Variants in ADPGK observed in about 807,000 individuals in gnomAD.
The protein encoded by ADPGK is ADP dependent glucokinase, also known as ADP-dependent glucokinase.
A neutral mutation model predicts 42.4 loss-of-function variants in ADPGK; 26 were observed. The ratio of observed to expected loss-of-function variants is 0.61; its 90% CI spans 0.45 to 0.85. The LOEUF is 0.85. Ranked by LOEUF, ADPGK falls within the 40% of genes least tolerant of loss-of-function variation. The pLI, the probability that ADPGK is intolerant of heterozygous loss-of-function variation, is 0.00. For synonymous variants in ADPGK, 267 were observed against 252.6 expected (o/e 1.06, Z -0.54); for missense variants, 571 against 627.0 (o/e 0.91, Z 0.95).
In ADPGK at chr15:72,760,494, G is replaced by A. The variant is rs768006218; in HGVS notation, c.556C>T (p.His186Tyr). Reference protein sequence around the residue: ...LLCGPVGPKLHELLDDNVFVP... With the variant: ...LLCGPVGPKLYELLDDNVFVP... The stretch of plus-strand genomic sequence containing the variant: ...AAGACATTGTCATCAAGAAGCTCAT[G>A]TAGCTTTGGACCAACTGGACCGCAA... Residue 186 changes from histidine (H) to tyrosine (Y), a missense_variant, in exon 4 of 7, where the codon CAT (histidine) becomes TAT (tyrosine). Physicochemically the swap from His to Tyr is moderately conservative, Grantham distance 83. Transcript: ENST00000456471. 4 of 1,609,486 alleles carry A rather than the reference G, an allele frequency of 2.5e-6. No individual in the cohort carries two copies. Among genetic ancestry groups the A allele is most frequent in the Non-Finnish European group, 3.4e-6 (4 of 1,176,422 alleles).
chr15:72,765,589 AC>A (rs2066248435), intron 3 of ADPGK, among the ~76,000 whole-genome samples: 1 of 152,274 alleles, frequency 6.6e-6, no homozygotes, highest in African/African-American at 2.4e-5. Flanking sequence ...GCCATTAAGA[AC>A]ATTTATGATT....
At chr15:72,772,134 GA>G (rs1189346086) in intron 2 of ADPGK, among the ~76,000 whole-genome samples, 1 of 152,204 alleles carries the variant, frequency 6.6e-6, no homozygotes, top group African/African-American at 2.4e-5. Flanking sequence ...CAGGAAACAG[GA>G]AAAGTGTGGA....
chr15:72,765,534 G>A (rs2066248031), intron 3 of ADPGK, among the ~76,000 whole-genome samples: 1 of 152,176 alleles, frequency 6.6e-6, no homozygotes, highest in African/African-American at 2.4e-5. Context: ...ATGGATCTGG[G>A]CAAAGTAAAC....
At position 72,752,565 on chromosome 15, in the gene ADPGK, G is replaced by A. The variant is rs956703795; in HGVS notation, c.1270C>T (p.Arg424Ter). 5.0e-6 allele frequency: 8 copies of A among 1,614,178 alleles called. No individual in the cohort carries two copies. The highest frequency in any genetic ancestry group is 1.3e-5 in the African/African-American group (1 of 75,046). ...ACATETIDTS[R>*]VSLRAPQEFM... ...TCTTGGGGTGCCCTCAGAGACACTC[G>A]GCTGGTGTCTATGGTTTCTGTGGCG... Residue 424 changes from arginine to a stop codon, truncating the protein, a stop_gained, in exon 7 of 7, where the codon CGA (arginine) becomes TGA (stop). Coordinates refer to ENST00000456471, the MANE Select transcript of ADPGK (RefSeq NM_001365225.1). LOFTEE classifies it high-confidence loss of function.
intron 6 of ADPGK, among the ~76,000 whole-genome samples, chr15:72,754,926 T>C (rs756284136): frequency 6.6e-6 from 1 of 152,160 alleles, no homozygotes; most frequent in African/African-American, 2.4e-5. Context: ...AGGGTGCAAG[T>C]AGGGAAGGGG....
rs1474052213 is a variant in ADPGK, at chr15:72,774,735, CCA to C, written c.459+135_459+136del. On this transcript the variant is annotated intron_variant, in intron 2 of 6. Transcript: ENST00000456471. ...AAGTCTGAGAACCATCAACCTAGAC[CCA>C]CAGTTTTCAACCAGGGGTGATTTTG... 7.4e-5 allele frequency: 51 copies of C among 691,292 alleles called. No homozygotes were observed. In the South Asian group the frequency reaches 8.9e-4, roughly 12 times the overall value. 42.8% of individuals were successfully genotyped at this position (691,292 alleles called of 1,614,324 possible).
intron 3 of ADPGK, among the ~76,000 whole-genome samples, chr15:72,770,389 G>T (rs541166272): frequency 6.6e-6 from 1 of 152,184 alleles, no homozygotes; most frequent in African/African-American, 2.4e-5. Flanking sequence ...ATACTGAAAG[G>T]TCAATCTTGT....
At chr15:72,756,614 A>G (rs2066118388) in intron 4 of ADPGK, 167 bp from the exon 5 acceptor site, 1 of 687,876 alleles carries the variant, frequency 1.5e-6, no homozygotes, top group East Asian at 2.7e-5. Flanking sequence ...GCACTGCAAG[A>G]AACAAACCAA....
chr15:72,756,172 G>C (rs748736142), intron 5 of ADPGK, 79 bp downstream of exon 5: 2 of 1,564,052 alleles, frequency 1.3e-6, no homozygotes, highest in Non-Finnish European at 1.8e-6. Context: ...CTAAGACAAG[G>C]CAGCAGATGC....
At chr15:72,765,668 C>T (rs1444499206) in intron 3 of ADPGK, among the ~76,000 whole-genome samples, 3 of 152,164 alleles carry the variant, frequency 2.0e-5, no homozygotes, top group South Asian at 4.1e-4. Flanking sequence ...CCCTCTTGGA[C>T]GCCTTTTGAG....
chr15:72,783,216 T>G (rs1167492278), intron 1 of ADPGK: 6 of 1,226,292 alleles, frequency 4.9e-6, no homozygotes, highest in African/African-American at 1.6e-5. Flanking sequence ...CAAAGCGGGA[T>G]TAGCAAGAAG....
chr15:72,757,092 C>A (rs1184852550), intron 4 of ADPGK: 1 of 153,010 alleles, frequency 6.5e-6, no homozygotes, highest in Non-Finnish European at 1.5e-5. Flanking sequence ...TGAAGCCTTT[C>A]CTAATCCTAC....
rs1004203078 is a variant in ADPGK, at chr15:72,758,195, T to C, written c.644-1748A>G. 3.9e-5 allele frequency: 56 copies of C among 1,451,506 alleles called. No individual in the cohort carries two copies. In the African/African-American group the frequency reaches 6.3e-4, roughly 16 times the overall value. The allele number at this position is 1,451,506 out of a possible 1,614,324, so 89.9% of individuals were successfully genotyped here. Reference sequence around the variant, plus strand: ...CACCTCCAGCATATTCATGGCCCCGTTGGAGAGGCCATGCAGGGGGCAGAT... The same window carrying C: ...CACCTCCAGCATATTCATGGCCCCGCTGGAGAGGCCATGCAGGGGGCAGAT... On this transcript the variant is annotated intron_variant, in intron 4 of 6. Transcript: ENST00000456471.
chr15:72,782,527 CAAAAAAA>C (rs5813692), intron 1 of ADPGK, among the ~76,000 whole-genome samples: 2 of 61,282 alleles, frequency 3.3e-5, no homozygotes, highest in East Asian at 8.1e-4. Flanking sequence ...ACCCTGTGTC[CAAAAAAA>C]AAAAAAAAAA....
At chr15:72,764,628 T>C (rs942308895) in intron 3 of ADPGK, among the ~76,000 whole-genome samples, 3 of 152,234 alleles carry the variant, frequency 2.0e-5, no homozygotes, top group Admixed American at 1.3e-4. Context: ...AGATCACTGA[T>C]GAACATGGCT....
chr15:72,758,436 A>T (rs2066145324), intron 4 of ADPGK: 1 of 430,230 alleles, frequency 2.3e-6, no homozygotes, highest in Non-Finnish European at 4.3e-6. Context: ...TGTGGAAAAA[A>T]AAATGGACAA....
chr15:72,752,007 A>G lies in ADPGK; in HGVS notation c.*334T>C, dbSNP rs569170479. ...TGGGTGAGTGGGCGTGCACTTCTCA[A>G]GTGGGCAAGGAAGAACTGCTTTTCT... On this transcript the variant is annotated 3_prime_UTR_variant, in exon 7 of 7. Transcript: ENST00000456471. 8.9e-5 allele frequency: 24 copies of G among 268,592 alleles called. No individual in the cohort carries two copies. The East Asian group carries it at 1.8e-3, about 20-fold the overall frequency. The allele number at this position is 268,592 out of a possible 1,614,324, so 16.6% of individuals were successfully genotyped here.
intron 4 of ADPGK, among the ~76,000 whole-genome samples, chr15:72,759,762 C>A (rs1247348460): frequency 1.3e-5 from 2 of 152,146 alleles, no homozygotes; most frequent in African/African-American, 4.8e-5. Flanking sequence ...TACACAGGAT[C>A]AAAGTATGTC....
chr15:72,760,499 T>C lies in ADPGK; in HGVS notation c.551A>G (p.Lys184Arg), dbSNP rs8024644. ...ATTGTCATCAAGAAGCTCATGTAGC[T>C]TTGGACCAACTGGACCGCAAAGAAG... is the stretch of plus-strand genomic sequence containing the variant. ...KVLLCGPVGP[K>R]LHELLDDNVF... Residue 184 changes from lysine (K) to arginine (R), a missense_variant, in exon 4 of 7, where the codon AAG becomes AGG. Physicochemically the swap from Lys to Arg is conservative, Grantham distance 26 (BLOSUM62 2). Transcript: ENST00000456471. 0.15 allele frequency: 244,071 copies of C among 1,606,054 alleles called. 20,209 individuals are homozygous for C. Among genetic ancestry groups the C allele is most frequent in the African/African-American group, 0.31 (23,073 of 74,674 alleles).
Sources: gnomAD v4.1 joint callset for allele counts (sites outside exome capture counted in the v4.1 genomes callset) on GRCh38, gnomAD v4.1.1 for gene constraint, MANE v1.5 for transcripts, NCBI Gene and HGNC (gene_info 2026-07-23, HGNC 2026-07-21) for gene names.